Variants in BDP1 observed in about 807,000 individuals in gnomAD.
BDP1 encodes BDP1 general transcription factor IIIB subunit.
A neutral mutation model predicts 266.6 loss-of-function variants in BDP1; 169 were observed. The ratio of observed to expected loss-of-function variants is 0.63; its 90% CI spans 0.56 to 0.72. BDP1 has a LOEUF of 0.72. BDP1 is among the 30% of genes least tolerant of loss of function. The pLI is 0.00. For synonymous variants in BDP1, 1,090 were observed against 1,022.4 expected, an observed-to-expected ratio of 1.07 and a Z score of -1.26; for missense variants, 3,015 against 3,053.8, an observed-to-expected ratio of 0.99 and a Z score of 0.30.
chr5:71,569,806 TA>T (rs922242310), downstream of BDP1, among the ~76,000 whole-genome samples: 2 of 150,198 alleles, frequency 1.3e-5, no homozygotes, highest in South Asian at 2.1e-4. Flanking sequence ...CATCTCCATT[TA>T]AAAAAAAAAT....
intron 36 of BDP1, among the ~76,000 whole-genome samples, chr5:71,559,191 A>G (rs943335426): frequency 2.0e-5 from 3 of 152,208 alleles, no homozygotes; most frequent in East Asian, 3.8e-4. Context: ...TAATGTTAAT[A>G]CAGTCTTAGA....
At chr5:71,550,845 A>G (rs1033515216) in intron 34 of BDP1, among the ~76,000 whole-genome samples, 1 of 152,078 alleles carries the variant, frequency 6.6e-6, no homozygotes, top group African/African-American at 2.4e-5. Flanking sequence ...AGCTGGGACT[A>G]TAGGTGCGTG....
At chr5:71,476,647 TCTC>T (rs1430723498) in intron 7 of BDP1, among the ~76,000 whole-genome samples, 1 of 152,098 alleles carries the variant, frequency 6.6e-6, no homozygotes, top group African/African-American at 2.4e-5. Flanking sequence ...TTCAAGCCCT[TCTC>T]CTGCTTCAGC....
rs761119797 is a variant in BDP1 at position 71,545,147 on chromosome 5, T to C, written c.6672T>C (p.Gly2224=). 6.2e-7 allele frequency: 1 copy of C among 1,613,888 alleles called. No individual in the cohort carries two copies. Among genetic ancestry groups the C allele is most frequent in the Non-Finnish European group, 8.5e-7 (1 of 1,179,942 alleles). The change falls in exon 32 of 39, where the codon GGT becomes GGC. Residue 2224 remains glycine (G), a synonymous_variant. Transcript: ENST00000358731. ...CACTTGGTTTGGATAGGGGTCTTGGTGAAAATTCTGTTGAAGAGCCCCAGA... is the reference window on the plus strand; with the variant it reads ...CACTTGGTTTGGATAGGGGTCTTGGCGAAAATTCTGTTGAAGAGCCCCAGA... ...PCTLGLDRGL[G]ENSVEEPQIK...
rs917358257 is a variant in BDP1 at position 71,509,455 on chromosome 5, T to A, written c.2373-10T>A. 3.9e-6 allele frequency: 6 copies of A among 1,539,266 alleles called. No homozygotes were observed. The African/African-American group carries it at 6.9e-5, about 18-fold the overall frequency. ...AAAACTTGATTGTGTGCCCCCTTTT[T>A]TTTTTATAGCGTTCAAGAGAATAAT... On this transcript the variant is annotated splice_polypyrimidine_tract_variant and intron_variant, in intron 16 of 38. Transcript: ENST00000358731.
intron 26 of BDP1, among the ~76,000 whole-genome samples, chr5:71,533,227 T>C (rs900707197): frequency 2.0e-5 from 3 of 152,256 alleles, no homozygotes; most frequent in African/African-American, 4.8e-5. Flanking sequence ...TACATAATGC[T>C]GCTGTAAACA....
chr5:71,553,357 T>G, intron 35 of BDP1, 37 bp downstream of exon 35: 35 of 1,370,936 alleles, frequency 2.6e-5, no homozygotes, highest in Non-Finnish European at 3.5e-5. Context: ...ATATGGCCAT[T>G]AAGTAAGATG....
At chr5:71,526,584 C>A (rs1479808641) in intron 25 of BDP1, among the ~76,000 whole-genome samples, 1 of 135,164 alleles carries the variant, frequency 7.4e-6, no homozygotes, top group African/African-American at 2.8e-5. Context: ...CCACTGCACT[C>A]CAGCCTGGGA....
At chr5:71,506,410 T>C (rs1234713457) in intron 16 of BDP1, among the ~76,000 whole-genome samples, 1 of 152,044 alleles carries the variant, frequency 6.6e-6, no homozygotes, top group Non-Finnish European at 1.5e-5. Context: ...CCTCTCCTAC[T>C]CCACATATGT....
At chr5:71,541,763 T>A in intron 29 of BDP1, 81 bp downstream of exon 29, 1 of 873,178 alleles carries the variant, frequency 1.1e-6, no homozygotes, top group Non-Finnish European at 1.7e-6. Flanking sequence ...GCTTTAAATG[T>A]AAAGTAGGCA....
chr5:71,577,751 T>C, the BDP1 span, among the ~76,000 whole-genome samples: 2 of 152,022 alleles, frequency 1.3e-5, no homozygotes, highest in Non-Finnish European at 2.9e-5. Context: ...CCCTTGGACC[T>C]ATCTAAAGCA....
intron 30 of BDP1, among the ~76,000 whole-genome samples, chr5:71,542,921 G>A (rs1767063021): frequency 6.6e-6 from 1 of 152,134 alleles, no homozygotes; most frequent in Non-Finnish European, 1.5e-5. Context: ...GAGCCGTAGA[G>A]AAGTGAAAAT....
chr5:71,492,665 C>T (rs1763662282), intron 11 of BDP1, among the ~76,000 whole-genome samples: 1 of 152,114 alleles, frequency 6.6e-6, no homozygotes, highest in Admixed American at 6.5e-5. Context: ...ATGATTTACA[C>T]ATTTTCTCCC....
Position 71,513,247 on chromosome 5 carries a change from G to A in BDP1, c.4310G>A (p.Arg1437Gln), listed in dbSNP as rs201608641. 18 of 1,613,490 alleles carry A rather than the reference G, an allele frequency of 1.1e-5. No individual in the cohort carries two copies. Among genetic ancestry groups the A allele is most frequent in the East Asian group, 2.2e-5 (1 of 44,878 alleles). The change falls in exon 19 of 39, where the codon CGA becomes CAA. Residue 1437 changes from arginine to glutamine, a missense_variant. This residue lies in a region of BDP1 where 2,383 missense variants were observed against 2,404.9 expected (regional missense o/e 0.99). Transcript: ENST00000358731. ...EIKPAPFVRS[R>Q]FKRPKPNLAR... ...AAACCAGCACCTTTTGTGAGGAGCC[G>A]ATTCAAAAGACCAAAACCAAACTTA...
chr5:71,482,134 T>C (rs1467132588), intron 7 of BDP1, among the ~76,000 whole-genome samples: 3 of 152,238 alleles, frequency 2.0e-5, no homozygotes, highest in African/African-American at 7.2e-5. Context: ...AAGCCTTATA[T>C]TCTGGACATA....
intron 18 of BDP1, 65 bp downstream of exon 18, chr5:71,512,493 A>G: frequency 9.1e-7 from 1 of 1,099,616 alleles, no homozygotes; most frequent in South Asian, 1.9e-5. Context: ...AAACTAAGTG[A>G]GGTTTCAAGA....
chr5:71,510,970 G>A lies in BDP1; in HGVS notation c.3878G>A (p.Arg1293Lys). ...ACTGGAAAAGAAAATTTTAGAGAGA[G>A]AGGATCTGAAGAGATCTGTGTTACT... ...KETGKENFRERGSEEICVTEE... is the reference protein window; with the variant it reads ...KETGKENFREKGSEEICVTEE... Residue 1293 changes from arginine to lysine, a missense_variant, in exon 17 of 39, where the codon AGA becomes AAA. Transcript: ENST00000358731. The A allele has an allele frequency of 6.2e-7, 1 of 1,614,108 alleles. No homozygotes were observed. The highest frequency in any genetic ancestry group is 8.5e-7 in the Non-Finnish European group (1 of 1,179,994).
intron 27 of BDP1, 124 bp downstream of exon 27, chr5:71,539,202 G>A (rs936969572): frequency 4.1e-5 from 27 of 654,148 alleles, no homozygotes; most frequent in Non-Finnish European, 5.7e-5. Context: ...GCTATTGAAT[G>A]TGTTGTCTCT....
the BDP1 span, among the ~76,000 whole-genome samples, chr5:71,574,481 A>G: frequency 5.9e-5 from 9 of 152,242 alleles, no homozygotes; most frequent in East Asian, 3.9e-4. Flanking sequence ...CCTTCACCCC[A>G]GGAACACCAG....
Sources: allele counts gnomAD v4.1 joint callset (sites outside exome capture counted in the v4.1 genomes callset), GRCh38; gene constraint gnomAD v4.1.1; regional missense constraint gnomAD v4.1.1; transcripts MANE v1.5; gene names NCBI Gene and HGNC (gene_info 2026-07-23, HGNC 2026-07-21).